The following SYTL2 variants were observed in gnomAD, a reference collection of about 807,000 sequenced individuals.
The protein encoded by SYTL2 is synaptotagmin like 2.
Under a neutral mutation model 198.7 loss-of-function variants are expected in SYTL2, and 165 were observed. The ratio of observed to expected loss-of-function variants is 0.83; its 90% confidence interval spans 0.73 to 0.94. The LOEUF (loss-of-function observed/expected upper bound fraction) is 0.94. SYTL2 is among the 40% of genes least tolerant of loss of function. The pLI is 0.00. For missense variants in SYTL2, 2,835 were observed against 2,582.8 expected (o/e 1.10, Z -2.12); for synonymous variants, 966 against 917.7 (o/e 1.05, Z -0.95).
intron 14 of SYTL2, among the ~76,000 whole-genome samples, chr11:85,709,016 T>C (rs2085757427): frequency 1.3e-5 from 2 of 151,742 alleles, no homozygotes; most frequent in South Asian, 4.2e-4. Flanking sequence ...TTTTTTGTAT[T>C]TTTAGTAGAG....
chr11:85,705,645 T>G (rs918678001), intron 15 of SYTL2, among the ~76,000 whole-genome samples: 1 of 152,226 alleles, frequency 6.6e-6, no homozygotes, highest in Non-Finnish European at 1.5e-5. Context: ...TCAAATGTAG[T>G]CAATCTTTAA....
the SYTL2 span, chr11:85,854,354 G>A: frequency 0.21 from 31,836 of 150,550 alleles, 3,591 homozygotes; most frequent in South Asian, 0.28. Flanking sequence ...ATTATCTTGC[G>A]GCAGATAATG....
At chr11:85,817,902 C>CTT in the SYTL2 span, among the ~76,000 whole-genome samples, 1,797 of 109,858 alleles carry the variant, frequency 0.016, 60 homozygotes, top group Admixed American at 0.065. Flanking sequence ...TGTGTCTTTT[C>CTT]TTTTTTTTTT....
chr11:85,845,707 G>A, the SYTL2 span, among the ~76,000 whole-genome samples: 1 of 152,202 alleles, frequency 6.6e-6, no homozygotes, highest in African/African-American at 2.4e-5. Flanking sequence ...AGGAGATCGA[G>A]ACCATCCTGG....
chr11:85,725,251 A>C lies in SYTL2; in HGVS notation c.4107T>G (p.Asp1369Glu), dbSNP rs754106412. 6.2e-7 allele frequency: 1 copy of C among 1,614,174 alleles called. No individual in the cohort carries two copies. Among genetic ancestry groups the C allele is most frequent in the East Asian group, 2.2e-5 (1 of 44,874 alleles). Residue 1369 changes from aspartate (D) to glutamate (E), a missense_variant, in exon 8 of 20, where the codon GAT becomes GAG. Physicochemically the swap from Asp to Glu is conservative, Grantham distance 45 (BLOSUM62 2). Around this residue, in one of 3 missense-constraint regions of SYTL2, gnomAD observed 2,645 missense variants for 2,381.7 expected, o/e 1.11. Transcript: ENST00000359152. ...ACAGCTTCTGTAATGCAGCACTTACATCATTCAATACAGGTCTGGGTGGAA... is the reference window on the plus strand; with the variant it reads ...ACAGCTTCTGTAATGCAGCACTTACCTCATTCAATACAGGTCTGGGTGGAA... ...VILPPRPVLN[D>E]VSAALQKLCG...
intron 1 of SYTL2, among the ~76,000 whole-genome samples, chr11:85,795,866 G>C (rs2092796747): frequency 6.6e-6 from 1 of 151,910 alleles, no homozygotes; most frequent in African/African-American, 2.4e-5. Flanking sequence ...AATAGTGCTG[G>C]GAAGGCTGCC....
chr11:85,798,428 G>A (rs549690042), intron 1 of SYTL2, among the ~76,000 whole-genome samples: 1 of 152,284 alleles, frequency 6.6e-6, no homozygotes, highest in East Asian at 1.9e-4. Flanking sequence ...ACTTCTCAGA[G>A]TCTTTAATAT....
intron 1 of SYTL2, among the ~76,000 whole-genome samples, chr11:85,767,573 A>T (rs904566230): frequency 2.6e-5 from 4 of 152,186 alleles, no homozygotes; most frequent in African/African-American, 9.7e-5. Flanking sequence ...GAAAAACTCA[A>T]AGTGAGAAAG....
chr11:85,762,171 C>T (rs1429804433), intron 1 of SYTL2, among the ~76,000 whole-genome samples: 1 of 152,194 alleles, frequency 6.6e-6, no homozygotes, highest in Non-Finnish European at 1.5e-5. Flanking sequence ...CCCTCATTCT[C>T]TGCTTAAGTA....
At chr11:85,815,899 C>A (rs541995163), upstream of SYTL2, among the ~76,000 whole-genome samples, 2 of 152,208 alleles carry the variant, frequency 1.3e-5, no homozygotes, top group Admixed American at 1.3e-4. Context: ...CACGGTGACT[C>A]ATTCCTGTAA....
chr11:85,776,869 T>A (rs2153590962), intron 1 of SYTL2, among the ~76,000 whole-genome samples: 1 of 152,340 alleles, frequency 6.6e-6, no homozygotes, highest in African/African-American at 2.4e-5. Flanking sequence ...GGTATTTCTT[T>A]ATAGCAACAC....
chr11:85,705,148 G>C, intron 15 of SYTL2, 120 bp from the exon 16 acceptor site: 1 of 664,846 alleles, frequency 1.5e-6, no homozygotes, highest in African/African-American at 1.8e-5. Context: ...TAGGTTTCGA[G>C]TCCCAAAAAT....
chr11:85,845,931 A>AAAAT, the SYTL2 span, among the ~76,000 whole-genome samples: 266 of 152,332 alleles, frequency 1.7e-3, 1 homozygote, highest in Non-Finnish European at 6.8e-4. Flanking sequence ...AAATAATAAT[A>AAAAT]AAATAAATAA....
intron 2 of SYTL2, among the ~76,000 whole-genome samples, chr11:85,750,040 A>G (rs2153531154): frequency 6.6e-6 from 1 of 152,272 alleles, no homozygotes; most frequent in South Asian, 2.1e-4. Flanking sequence ...CCCACTTGCC[A>G]GCAGGCTCAG....
chr11:85,759,800 T>A (rs551952448), intron 1 of SYTL2, among the ~76,000 whole-genome samples: 1 of 152,224 alleles, frequency 6.6e-6, no homozygotes, highest in African/African-American at 2.4e-5. Context: ...TGTGCTTGCA[T>A]ATGCTACTAC....
intron 1 of SYTL2, among the ~76,000 whole-genome samples, chr11:85,773,195 G>A (rs1287422091): frequency 6.6e-6 from 1 of 152,060 alleles, no homozygotes; most frequent in Non-Finnish European, 1.5e-5. Context: ...AAGGTCTTCT[G>A]CCATTGTAAG....
Position 85,743,351 on chromosome 11 carries a change from T to A in SYTL2, c.389+2286A>T, listed in dbSNP as rs138544201. Among the ~76,000 whole-genome samples the A allele has an allele frequency of 3.9e-3, 600 of 152,298 alleles. 2 individuals are homozygous for A. The highest frequency in any genetic ancestry group is 0.02 in the Middle Eastern group (6 of 294). On this transcript the variant is annotated intron_variant, in intron 4 of 19. Coordinates refer to ENST00000359152, the MANE Select transcript of SYTL2 (RefSeq NM_206927.4). ...AGCTCATTCTAACTTTCTGGATAAT[T>A]ACCACCCATGGCATGTGTTATAGGA... is the stretch of plus-strand genomic sequence containing the variant.
chr11:85,703,383 T>C (rs937911290), intron 16 of SYTL2, among the ~76,000 whole-genome samples: 1 of 152,122 alleles, frequency 6.6e-6, no homozygotes, highest in Non-Finnish European at 1.5e-5. Flanking sequence ...AAAAGTATCC[T>C]AAAATCTGGA....
At chr11:85,812,805 C>T (rs1370161283), upstream of SYTL2, among the ~76,000 whole-genome samples, 1 of 149,834 alleles carries the variant, frequency 6.7e-6, no homozygotes, top group Non-Finnish European at 1.5e-5. Context: ...GCTGTACCTG[C>T]CTTGCTGAGG....
Sources: gnomAD v4.1 joint callset for allele counts (sites outside exome capture counted in the v4.1 genomes callset) on GRCh38, gnomAD v4.1.1 for gene constraint, gnomAD v4.1.1 regional missense constraint, MANE v1.5 for transcripts, NCBI Gene and HGNC (gene_info 2026-07-23, HGNC 2026-07-21) for gene names.